Variants in NSUN6 observed in about 807,000 individuals in gnomAD.
NSUN6 encodes the protein NOP2/Sun RNA methyltransferase 6.
A neutral mutation model predicts 58.0 loss-of-function variants in NSUN6; 64 were observed. The observed-to-expected ratio is 1.10, with a 90% CI of 0.90 to 1.36. NSUN6 has a LOEUF of 1.36. NSUN6 is among the 40% of genes most tolerant of loss of function. The pLI is 0.00. For synonymous variants in NSUN6, 231 were observed against 193.9 expected (o/e 1.19, Z -1.59); for missense variants, 701 against 550.1 (o/e 1.27, Z -2.74).
chr10:18,620,325 G>C (rs779257039), intron 3 of NSUN6, among the ~76,000 whole-genome samples: 11 of 151,934 alleles, frequency 7.2e-5, no homozygotes, highest in Non-Finnish European at 1.2e-4. Flanking sequence ...CTGACTTCGT[G>C]ATCCGCCCGC....
intron 3 of NSUN6, among the ~76,000 whole-genome samples, chr10:18,628,904 C>T (rs376722883): frequency 2.6e-5 from 4 of 152,042 alleles, no homozygotes; most frequent in African/African-American, 4.8e-5. Context: ...ATACAGAGAA[C>T]GCCACAAAGA....
intron 3 of NSUN6, among the ~76,000 whole-genome samples, chr10:18,638,591 T>C (rs1332292247): frequency 6.6e-6 from 1 of 152,186 alleles, no homozygotes; most frequent in Admixed American, 6.5e-5. Flanking sequence ...GGAAAAGTTT[T>C]TGGTGGGCCT....
chr10:18,648,410 T>TC, intron 2 of NSUN6, 80 bp downstream of exon 2: 1 of 868,286 alleles, frequency 1.2e-6, no homozygotes. Context: ...GTGTATTATA[T>TC]CATTCATAGG....
At chr10:18,550,582 G>A (rs2054537746) in intron 9 of NSUN6, among the ~76,000 whole-genome samples, 1 of 152,056 alleles carries the variant, frequency 6.6e-6, no homozygotes, top group African/African-American at 2.4e-5. Flanking sequence ...TTCTATCTGG[G>A]CTTCTGAAAG....
upstream of NSUN6, chr10:18,652,971 T>G: frequency 1.0e-6 from 1 of 984,014 alleles, no homozygotes; most frequent in Non-Finnish European, 1.2e-6. Context: ...CTAGAGCCAA[T>G]ACCTTGTCCT....
intron 6 of NSUN6, among the ~76,000 whole-genome samples, chr10:18,603,896 T>C (rs1158598908): frequency 6.6e-6 from 1 of 152,162 alleles, no homozygotes; most frequent in Non-Finnish European, 1.5e-5. Flanking sequence ...CTTAAAAGCA[T>C]TAGACTGCCG....
At chr10:18,624,245 A>C (rs915518456) in intron 3 of NSUN6, among the ~76,000 whole-genome samples, 14 of 151,964 alleles carry the variant, frequency 9.2e-5, no homozygotes, top group African/African-American at 2.7e-4. Flanking sequence ...GAGGTAATAC[A>C]TCCCTATGAC....
In NSUN6 at chr10:18,640,403, T is replaced by C. The variant is rs117041572; in HGVS notation, c.311+2073A>G. Among the ~76,000 whole-genome samples the C allele has an allele frequency of 2.8e-3, 433 of 152,312 alleles. 2 individuals are homozygous for C. The highest frequency in any genetic ancestry group is 4.5e-3 in the Non-Finnish European group (309 of 68,020). On this transcript the variant is annotated intron_variant, in intron 3 of 10. Transcript: ENST00000377304. ...GAAAAACCTAATTTAACTCTATCTT[T>C]AGGGAAACTAAATAAAACTAAAGAA...
rs11015095 is a variant in NSUN6, at chr10:18,603,965, C to T, written c.657+5880G>A. On this transcript the variant is annotated intron_variant, in intron 6 of 10. Coordinates refer to ENST00000377304, the MANE Select transcript of NSUN6 (RefSeq NM_182543.5). Reference sequence around the variant, plus strand: ...TTGGGAGATTAAGGCAGGCAGATCACGAAGTCAAGAGATCGAGACCATCCT... The same window carrying T: ...TTGGGAGATTAAGGCAGGCAGATCATGAAGTCAAGAGATCGAGACCATCCT... 3.3e-5 allele frequency among the ~76,000 whole-genome samples: 5 copies of T among 152,024 alleles called. No homozygotes were observed. In the South Asian group the frequency reaches 6.2e-4, roughly 19 times the overall value.
intron 9 of NSUN6, among the ~76,000 whole-genome samples, chr10:18,548,948 C>T (rs1377936068): frequency 1.3e-5 from 2 of 152,186 alleles, no homozygotes; most frequent in African/African-American, 2.4e-5. Flanking sequence ...AATTTGGCCA[C>T]TTCTCACCAC....
intron 8 of NSUN6, among the ~76,000 whole-genome samples, chr10:18,571,839 T>G (rs761231568): frequency 6.6e-6 from 1 of 151,298 alleles, no homozygotes; most frequent in Non-Finnish European, 1.5e-5. Flanking sequence ...TCTATTTTAT[T>G]CACCACGGCA....
At chr10:18,627,972 T>C (rs892618641) in intron 3 of NSUN6, among the ~76,000 whole-genome samples, 2 of 152,288 alleles carry the variant, frequency 1.3e-5, no homozygotes, top group African/African-American at 4.8e-5. Context: ...GACAAACAAA[T>C]AGACAGCAGT....
In NSUN6 at chr10:18,583,104, A is replaced by C. The variant is rs573536014; in HGVS notation, c.922+2845T>G. ...TTCCTGCCTTAACTGATCAACTAAA[A>C]TTATAATATTTTACTATTGTGACGT... On this transcript the variant is annotated intron_variant, in intron 8 of 10. Transcript: ENST00000377304. Among the ~76,000 whole-genome samples, 24 of 152,280 alleles carry C rather than the reference A, an allele frequency of 1.6e-4. 1 individual carries two copies. Among genetic ancestry groups the C allele is most frequent in the African/African-American group, 5.8e-4 (24 of 41,558 alleles).
At chr10:18,586,226 C>G (rs961397516) in intron 7 of NSUN6, 133 bp from the exon 8 acceptor site, 2 of 689,804 alleles carry the variant, frequency 2.9e-6, no homozygotes, top group African/African-American at 3.7e-5. Flanking sequence ...TAATTTAAAA[C>G]CTCTATCCAT....
intron 5 of NSUN6, among the ~76,000 whole-genome samples, chr10:18,613,404 G>A (rs1314064733): frequency 6.6e-6 from 1 of 152,082 alleles, no homozygotes; most frequent in Non-Finnish European, 1.5e-5. Flanking sequence ...GCCAAAGGGT[G>A]GCTGAAAGTT....
At chr10:18,624,501 A>G (rs1038249285) in intron 3 of NSUN6, among the ~76,000 whole-genome samples, 4 of 151,612 alleles carry the variant, frequency 2.6e-5, no homozygotes, top group African/African-American at 9.7e-5. Flanking sequence ...AAATACAAAA[A>G]AAAAATTAGC....
intron 3 of NSUN6, among the ~76,000 whole-genome samples, chr10:18,632,886 C>G (rs746601529): frequency 7.9e-5 from 12 of 152,226 alleles, no homozygotes; most frequent in Non-Finnish European, 1.5e-4. Flanking sequence ...TACCATTTGA[C>G]CCAGCCATCC....
intron 7 of NSUN6, among the ~76,000 whole-genome samples, chr10:18,589,411 A>C (rs1043248777): frequency 6.6e-6 from 1 of 152,180 alleles, no homozygotes; most frequent in Non-Finnish European, 1.5e-5. Flanking sequence ...TTCAGAAAGT[A>C]CAGGGAACAC....
intron 8 of NSUN6, among the ~76,000 whole-genome samples, chr10:18,583,238 AATAG>A (rs1175025518): frequency 6.6e-6 from 1 of 152,190 alleles, no homozygotes; most frequent in African/African-American, 2.4e-5. Context: ...CTCTGCTAAC[AATAG>A]ATAACCACCT....
Sources: gnomAD v4.1 joint callset for allele counts (sites outside exome capture counted in the v4.1 genomes callset) on GRCh38, gnomAD v4.1.1 for gene constraint, MANE v1.5 for transcripts, NCBI Gene and HGNC (gene_info 2026-07-23, HGNC 2026-07-21) for gene names.